The following ZNF341 variants were observed in gnomAD, a reference collection of about 807,000 sequenced individuals.
The protein encoded by ZNF341 is zinc finger protein 341.
ZNF341 carries 52 observed loss-of-function variants against 87.7 expected under a neutral mutation model. The observed-to-expected ratio is 0.59, with a 90% CI of 0.47 to 0.75. The LOEUF (loss-of-function observed/expected upper bound fraction) is 0.75. Ranked by LOEUF, ZNF341 falls within the 30% of genes least tolerant of loss-of-function variation. ZNF341 has a pLI of 0.00. For synonymous variants in ZNF341, 459 were observed against 472.7 expected (o/e 0.97, Z 0.38); for missense variants, 977 against 1,145.9 (o/e 0.85, Z 2.13).
chr20:33,750,284 TG>T (rs2019025755), intron 4 of ZNF341, among the ~76,000 whole-genome samples: 1 of 152,186 alleles, frequency 6.6e-6, no homozygotes, highest in Non-Finnish European at 1.5e-5. Context: ...AAAAGATCTG[TG>T]GCCAAAGGAA....
rs150664415 is a variant in ZNF341 at position 33,747,003 on chromosome 20, C to T, written c.339+1704C>T. Among the ~76,000 whole-genome samples, 119 of 152,082 alleles carry T rather than the reference C, an allele frequency of 7.8e-4. 1 individual carries two copies. The highest frequency in any genetic ancestry group is 6.6e-3 in the Admixed American group (101 of 15,268). On this transcript the variant is annotated intron_variant, in intron 3 of 14. Coordinates refer to ENST00000375200, the MANE Select transcript of ZNF341 (RefSeq NM_001282933.2). ...AGTAGACAATGTAGATTTCCAAGTC[C>T]GGAGGCCAGAGCAGAGGACAAGGCT...
chr20:33,745,929 C>CTTTTT (rs1301920142), intron 3 of ZNF341, among the ~76,000 whole-genome samples: 1 of 132,780 alleles, frequency 7.5e-6, no homozygotes, highest in African/African-American at 2.8e-5. Context: ...GGGTCTGGGC[C>CTTTTT]TTTTTTTTTT....
At chr20:33,777,536 AG>A (rs2019653758) in intron 10 of ZNF341, among the ~76,000 whole-genome samples, 1 of 151,162 alleles carries the variant, frequency 6.6e-6, no homozygotes, top group Non-Finnish European at 1.5e-5. Context: ...TGGGAGGCTG[AG>A]GCAGGAGAAT....
intron 5 of ZNF341, among the ~76,000 whole-genome samples, chr20:33,755,347 G>A (rs573215042): frequency 1.8e-4 from 28 of 151,896 alleles, no homozygotes; most frequent in African/African-American, 6.8e-4. Context: ...TTCTAAATTA[G>A]AGATAGGGGT....
At chr20:33,770,552 C>G (rs925378992) in intron 10 of ZNF341, among the ~76,000 whole-genome samples, 2 of 152,120 alleles carry the variant, frequency 1.3e-5, no homozygotes, top group Admixed American at 1.3e-4. Context: ...AAAAGAGGAA[C>G]CTATATTTCC....
At chr20:33,781,443 G>C in intron 11 of ZNF341, 56 bp downstream of exon 11, 10 of 1,515,792 alleles carry the variant, frequency 6.6e-6, no homozygotes, top group Non-Finnish European at 8.2e-6. Flanking sequence ...GCAAGGAGGT[G>C]GGGTGGGGTG....
intron 4 of ZNF341, chr20:33,752,108 G>GA: frequency 2.9e-6 from 1 of 344,458 alleles, no homozygotes; most frequent in East Asian, 8.1e-5. Context: ...CTGCAAGCAA[G>GA]CCCCCCCCCC....
At chr20:33,738,249 G>A (rs1342792303) in intron 1 of ZNF341, among the ~76,000 whole-genome samples, 4 of 151,962 alleles carry the variant, frequency 2.6e-5, no homozygotes, top group African/African-American at 9.7e-5. Flanking sequence ...GACTGTCCTG[G>A]GCAACATAGG....
Position 33,766,995 on chromosome 20 carries a change from C to T in ZNF341, c.1367C>T (p.Thr456Ile). ...CAATTCTGCCCCAGCAAATTCAGCACCTACTTCCAGCTCAAGTCTCACATG... is the reference window on the plus strand; with the variant it reads ...CAATTCTGCCCCAGCAAATTCAGCATCTACTTCCAGCTCAAGTCTCACATG... ...LCQFCPSKFS[T>I]YFQLKSHMTQ... is the part of the protein sequence containing the mutation. The change falls in exon 9 of 15, where the codon ACC (threonine) becomes ATC (isoleucine). Residue 456 changes from threonine to isoleucine, a missense_variant. Thr to Ile is a moderately conservative substitution (Grantham distance 89). Coordinates refer to ENST00000375200, the MANE Select transcript of ZNF341 (RefSeq NM_001282933.2). 6.2e-7 allele frequency: 1 copy of T among 1,614,148 alleles called. No individual in the cohort carries two copies. The highest frequency in any genetic ancestry group is 8.5e-7 in the Non-Finnish European group (1 of 1,180,014).
chr20:33,740,845 G>A (rs2018783328), intron 1 of ZNF341, 57 bp from the exon 2 acceptor site: 1 of 1,524,156 alleles, frequency 6.6e-7, no homozygotes. Flanking sequence ...TTGTAAGGGT[G>A]ATGTCAGAGC....
intron 4 of ZNF341, among the ~76,000 whole-genome samples, chr20:33,750,727 G>A (rs1373859222): frequency 1.3e-5 from 2 of 151,752 alleles, no homozygotes; most frequent in South Asian, 2.1e-4. Context: ...TGCAATCTCC[G>A]CATCCTGGGT....
intron 2 of ZNF341, 24 bp downstream of exon 2, chr20:33,741,036 G>C (rs772467155): frequency 1.9e-6 from 3 of 1,603,890 alleles, no homozygotes; most frequent in East Asian, 4.5e-5. Flanking sequence ...CAGGTTCACC[G>C]GTGGGAGAGT....
intron 12 of ZNF341, 30 bp downstream of exon 12, chr20:33,783,894 C>A: frequency 1.3e-6 from 2 of 1,598,432 alleles, no homozygotes; most frequent in Non-Finnish European, 1.7e-6. Flanking sequence ...GAACTCCAGC[C>A]CAGCCCCTCC....
At chr20:33,758,681 A>C (rs531631242) in intron 6 of ZNF341, 35 bp from the exon 7 acceptor site, 1 of 1,579,716 alleles carries the variant, frequency 6.3e-7, no homozygotes, top group East Asian at 2.2e-5. Flanking sequence ...CTGCACCCCC[A>C]GCCTCATTGT....
intron 12 of ZNF341, chr20:33,787,623 G>A (rs1297770091): frequency 6.6e-6 from 1 of 152,214 alleles, no homozygotes; most frequent in African/African-American, 2.4e-5. Flanking sequence ...CATCAGGCAA[G>A]AGCTGCCCCA....
intron 10 of ZNF341, among the ~76,000 whole-genome samples, chr20:33,776,527 C>T (rs757291081): frequency 2.0e-5 from 3 of 152,134 alleles, no homozygotes; most frequent in Non-Finnish European, 4.4e-5. Flanking sequence ...GCTGGGACCA[C>T]AGGTGTGTGC....
chr20:33,779,484 T>C (rs1016630981), intron 10 of ZNF341, among the ~76,000 whole-genome samples: 4 of 146,288 alleles, frequency 2.7e-5, no homozygotes, highest in Non-Finnish European at 6.0e-5. Context: ...GGAGTCTCAC[T>C]GTGTCGCCCA....
intron 10 of ZNF341, among the ~76,000 whole-genome samples, chr20:33,773,484 T>C (rs1305450291): frequency 1.3e-5 from 2 of 152,152 alleles, no homozygotes; most frequent in South Asian, 2.1e-4. Context: ...TCTGGAGCCA[T>C]TGGCCTGTGC....
At chr20:33,758,588 C>G (rs1306590990) in intron 6 of ZNF341, 128 bp from the exon 7 acceptor site, 3 of 671,036 alleles carry the variant, frequency 4.5e-6, no homozygotes, top group Non-Finnish European at 7.8e-6. Flanking sequence ...TCCTCCCTGG[C>G]CTGTGTATGG....
Sources: allele counts gnomAD v4.1 joint callset (sites outside exome capture counted in the v4.1 genomes callset), GRCh38; gene constraint gnomAD v4.1.1; transcripts MANE v1.5; gene names NCBI Gene and HGNC (gene_info 2026-07-23, HGNC 2026-07-21).